Variants in CACNB2 observed in about 807,000 individuals in gnomAD.
The protein encoded by CACNB2 is voltage-dependent L-type calcium channel subunit beta-2.
Under a neutral mutation model 73.3 loss-of-function variants are expected in CACNB2, and 42 were observed. The observed-to-expected ratio is 0.57, with a 90% CI of 0.45 to 0.74. The LOEUF (loss-of-function observed/expected upper bound fraction) is 0.74, where lower values mean the gene tolerates loss of function less well. Ranked by LOEUF, CACNB2 falls within the 30% of genes least tolerant of loss-of-function variation. The pLI is 0.00. For synonymous variants in CACNB2, 348 were observed against 310.3 expected (o/e 1.12, Z -1.28); for missense variants, 940 against 853.0 (o/e 1.10, Z -1.27).
intron 3 of CACNB2, among the ~76,000 whole-genome samples, chr10:18,491,010 G>T (rs2049384335): frequency 6.6e-6 from 1 of 152,164 alleles, no homozygotes; most frequent in Admixed American, 6.5e-5. Flanking sequence ...ATGTCCCAGA[G>T]CACTGTGTCA....
intron 2 of CACNB2, among the ~76,000 whole-genome samples, chr10:18,381,426 C>T (rs2043012069): frequency 6.6e-6 from 1 of 152,108 alleles, no homozygotes; most frequent in African/African-American, 2.4e-5. Context: ...CACCGTGGCT[C>T]ATGCCTGTAA....
At chr10:18,264,025 ATC>A (rs2037675789) in intron 2 of CACNB2, among the ~76,000 whole-genome samples, 3 of 152,336 alleles carry the variant, frequency 2.0e-5, no homozygotes, top group African/African-American at 7.2e-5. Context: ...GGACATGAAA[ATC>A]TGTGAGCTGA....
intron 2 of CACNB2, among the ~76,000 whole-genome samples, chr10:18,240,341 T>C (rs997401030): frequency 6.6e-6 from 1 of 152,136 alleles, no homozygotes; most frequent in African/African-American, 2.4e-5. Context: ...GACAAAAGCT[T>C]TGATTAAAGT....
chr10:18,279,032 T>C (rs1783107381), intron 2 of CACNB2, among the ~76,000 whole-genome samples: 2 of 152,076 alleles, frequency 1.3e-5, no homozygotes, highest in East Asian at 1.9e-4. Context: ...AAAAAATCTT[T>C]AGTATGTTTT....
At chr10:18,290,642 G>T (rs2039026659) in intron 2 of CACNB2, among the ~76,000 whole-genome samples, 1 of 152,218 alleles carries the variant, frequency 6.6e-6, no homozygotes, top group Non-Finnish European at 1.5e-5. Flanking sequence ...ATTTGTTTCT[G>T]AGCAGCTTCT....
At chr10:18,423,585 A>C (rs570839710) in intron 3 of CACNB2, among the ~76,000 whole-genome samples, 3 of 152,310 alleles carry the variant, frequency 2.0e-5, no homozygotes, top group Admixed American at 1.3e-4. Flanking sequence ...AATTAACTCT[A>C]TATATTAAAA....
In CACNB2 at chr10:18,510,196, C is replaced by T. The variant is rs554056959; in HGVS notation, c.670+3649C>T. 2.6e-5 allele frequency among the ~76,000 whole-genome samples: 4 copies of T among 152,204 alleles called. No individual in the cohort carries two copies. In the South Asian group the frequency reaches 8.3e-4, roughly 31 times the overall value. On this transcript the variant is annotated intron_variant, in intron 6 of 13. Transcript: ENST00000324631. ...ATAGAAAGTTCTCAATTTGGGATAT[C>T]CAGCCCTCATGTCCAGATACAGGTA...
chr10:18,507,896 T>C (rs4335438), intron 6 of CACNB2, among the ~76,000 whole-genome samples: 83,321 of 151,976 alleles, frequency 0.55, 23,458 homozygotes, highest in African/African-American at 0.67. Flanking sequence ...TCCTGAATGG[T>C]GGTGGCCTTT....
chr10:18,166,079 T>C (rs1428006364), intron 2 of CACNB2, among the ~76,000 whole-genome samples: 2 of 152,246 alleles, frequency 1.3e-5, no homozygotes, highest in Non-Finnish European at 2.9e-5. Flanking sequence ...ATACATCTGT[T>C]TCCTTCTATG....
At chr10:18,519,077 G>A (rs2051571467) in intron 9 of CACNB2, 109 bp downstream of exon 9, 2 of 872,914 alleles carry the variant, frequency 2.3e-6, no homozygotes, top group Non-Finnish European at 3.9e-6. Context: ...ATGTCTATAT[G>A]ATGACAGGAA....
intron 2 of CACNB2, among the ~76,000 whole-genome samples, chr10:18,388,782 T>C (rs1241640288): frequency 6.6e-6 from 1 of 152,062 alleles, no homozygotes; most frequent in African/African-American, 2.4e-5. Flanking sequence ...TACTTCATAA[T>C]CATAAAATTT....
At chr10:18,330,043 GT>G (rs1319577989) in intron 2 of CACNB2, among the ~76,000 whole-genome samples, 4 of 152,144 alleles carry the variant, frequency 2.6e-5, no homozygotes. Flanking sequence ...GTTTTGCCAT[GT>G]TGGCCAGGCT....
chr10:18,320,789 G>A (rs763691682), intron 2 of CACNB2, among the ~76,000 whole-genome samples: 5 of 152,152 alleles, frequency 3.3e-5, no homozygotes, highest in African/African-American at 4.8e-5. Context: ...GGCTGAAAAA[G>A]AATATACTTG....
intron 2 of CACNB2, among the ~76,000 whole-genome samples, chr10:18,349,388 G>T (rs949690399): frequency 6.6e-6 from 1 of 152,206 alleles, no homozygotes; most frequent in Non-Finnish European, 1.5e-5. Flanking sequence ...AGACCACAGC[G>T]AGTGTGAAGA....
rs143604587 is a variant in CACNB2, at chr10:18,205,781, T to G, written c.213+54806T>G. 1.9e-3 allele frequency among the ~76,000 whole-genome samples: 287 copies of G among 152,254 alleles called. 3 individuals carry two copies. Among genetic ancestry groups the G allele is most frequent in the African/African-American group, 5.8e-3 (241 of 41,538 alleles). On this transcript the variant is annotated intron_variant, in intron 2 of 13. Coordinates refer to ENST00000324631, the MANE Select transcript of CACNB2 (RefSeq NM_201596.3). ...GTAGTGTTTCAATGTTCCCTGCTCC[T>G]CATCAAAACCTAACTCCTCCAGTGA...
chr10:18,526,637 C>T (rs2052494385), intron 9 of CACNB2, among the ~76,000 whole-genome samples: 1 of 152,194 alleles, frequency 6.6e-6, no homozygotes. Context: ...TTTGCTATTT[C>T]CAGTTCCCAA....
chr10:18,405,449 A>G (rs1489883963), intron 3 of CACNB2, among the ~76,000 whole-genome samples: 1 of 152,186 alleles, frequency 6.6e-6, no homozygotes, highest in Non-Finnish European at 1.5e-5. Flanking sequence ...TGTTACGAAC[A>G]TTCCTGTATA....
intron 3 of CACNB2, among the ~76,000 whole-genome samples, chr10:18,461,702 T>C (rs2047585904): frequency 6.8e-6 from 1 of 146,414 alleles, no homozygotes; most frequent in Non-Finnish European, 1.5e-5. Flanking sequence ...TGCCACCCAC[T>C]CACCCACTGC....
chr10:18,499,805 T>TACAAAAAA (rs756799139), intron 4 of CACNB2, among the ~76,000 whole-genome samples: 1 of 117,818 alleles, frequency 8.5e-6, no homozygotes, highest in African/African-American at 3.3e-5. Context: ...ACCCCATCTC[T>TACAAAAAA]AAAAAAAAAA....
Sources: gnomAD v4.1 joint callset for allele counts (sites outside exome capture counted in the v4.1 genomes callset) on GRCh38, gnomAD v4.1.1 for gene constraint, MANE v1.5 for transcripts, NCBI Gene and HGNC (gene_info 2026-07-23, HGNC 2026-07-21) for gene names.